Variants in BCCIP observed in about 807,000 individuals in gnomAD.
The protein encoded by BCCIP is BRCA2 and CDKN1A-interacting protein.
BCCIP carries 23 observed loss-of-function variants against 32.8 expected under a neutral mutation model. The observed-to-expected ratio is 0.70, with a 90% confidence interval of 0.51 to 0.99. The LOEUF is 0.99. Ranked by LOEUF, BCCIP falls within the 50% of genes least tolerant of loss-of-function variation. BCCIP has a pLI of 0.00. For missense variants in BCCIP, 378 were observed against 379.8 expected, an observed-to-expected ratio of 1.00 and a Z score of 0.04; for synonymous variants, 144 against 137.6, an observed-to-expected ratio of 1.05 and a Z score of -0.33.
In BCCIP at chr10:125,848,605, T is replaced by C. The variant is rs114019971; in HGVS notation, c.851-4520T>C. ...CCCAAGTCCAGTGCTGTTGCTGTTA[T>C]CTGCCATGGCTCTTCCTGGCTCCGG... On this transcript the variant is annotated intron_variant, in intron 7 of 7. Transcript: ENST00000368759. Among the ~76,000 whole-genome samples, 192 of 152,320 alleles carry C rather than the reference T, an allele frequency of 1.3e-3. 1 individual carries two copies. The highest frequency in any genetic ancestry group is 4.5e-3 in the African/African-American group (185 of 41,568).
chr10:125,852,413 T>C lies in BCCIP; in HGVS notation c.851-712T>C, dbSNP rs780909472. Reference sequence around the variant, plus strand: ...GCTGGCTTCAGTGGCGTCATGTCTTTGGAGGCAAATTCTTCAGTGTACAGG... The same window carrying C: ...GCTGGCTTCAGTGGCGTCATGTCTTCGGAGGCAAATTCTTCAGTGTACAGG... On this transcript the variant is annotated intron_variant, in intron 7 of 7. Coordinates refer to the BCCIP transcript ENST00000368759. 2 of 1,614,236 alleles carry C rather than the reference T, an allele frequency of 1.2e-6. No individual in the cohort carries two copies. Among genetic ancestry groups the C allele is most frequent in the East Asian group, 4.5e-5 (2 of 44,894 alleles).
chr10:125,837,151 C>G (rs1256996206), downstream of BCCIP, among the ~76,000 whole-genome samples: 1 of 152,210 alleles, frequency 6.6e-6, no homozygotes, highest in African/African-American at 2.4e-5. Context: ...AGGCCCATCA[C>G]CATATAAGAG....
chr10:125,829,872 G>A (rs1854483399), intron 3 of BCCIP, among the ~76,000 whole-genome samples: 1 of 152,234 alleles, frequency 6.6e-6, no homozygotes, highest in Admixed American at 6.5e-5. Context: ...TAGCTCTGCA[G>A]TTGTAACTGT....
chr10:125,825,615 A>G (rs1854372234), intron 1 of BCCIP: 2 of 152,208 alleles, frequency 1.3e-5, no homozygotes, highest in Admixed American at 1.3e-4. Flanking sequence ...AGACTTAAAT[A>G]TATACATAGT....
chr10:125,824,856 T>C (rs1033798004), intron 1 of BCCIP, among the ~76,000 whole-genome samples: 3 of 152,222 alleles, frequency 2.0e-5, no homozygotes, highest in African/African-American at 7.2e-5. Flanking sequence ...GCAGCCTAGA[T>C]GGCTGGATCA....
chr10:125,829,086 C>T lies in BCCIP; in HGVS notation c.321+1448C>T, dbSNP rs571241943. On this transcript the variant is annotated intron_variant, in intron 3 of 6. Coordinates refer to ENST00000278100, the MANE Select transcript of BCCIP (RefSeq NM_078468.3). ...CTATCTAGGGGGAGGGCACATTGATCCCACCACTCCATGAGAAAAGTACCT... is the reference window on the plus strand; with the variant it reads ...CTATCTAGGGGGAGGGCACATTGATTCCACCACTCCATGAGAAAAGTACCT... 1.2e-4 allele frequency among the ~76,000 whole-genome samples: 19 copies of T among 152,246 alleles called. No individual in the cohort carries two copies. The South Asian group carries it at 3.9e-3, about 32-fold the overall frequency.
downstream of BCCIP, among the ~76,000 whole-genome samples, chr10:125,844,782 A>G (rs1199316217): frequency 6.6e-6 from 1 of 152,192 alleles, no homozygotes; most frequent in African/African-American, 2.4e-5. Context: ...TGGCAGTGCA[A>G]AATCAGACTG....
chr10:125,824,095 C>T (rs1248365692), intron 1 of BCCIP, among the ~76,000 whole-genome samples: 1 of 152,226 alleles, frequency 6.6e-6, no homozygotes, highest in Non-Finnish European at 1.5e-5. Context: ...CTTCACTCTG[C>T]GGGCGGCACT....
downstream of BCCIP, among the ~76,000 whole-genome samples, chr10:125,840,415 GTATC>G (rs1388776183): frequency 4.6e-5 from 7 of 152,246 alleles, no homozygotes; most frequent in Non-Finnish European, 5.9e-5. Context: ...TTCTGCACTA[GTATC>G]TGGAGCTCTG....
At chr10:125,838,258 T>C, downstream of BCCIP, 1 of 1,613,394 alleles carries the variant, frequency 6.2e-7, no homozygotes, top group Non-Finnish European at 8.5e-7. Context: ...TCAGAAATGC[T>C]GAATTTATGG....
In BCCIP at chr10:125,829,102, A is replaced by G. The variant is rs551263263; in HGVS notation, c.322-1460A>G. Among the ~76,000 whole-genome samples, 4 of 152,324 alleles carry G rather than the reference A, an allele frequency of 2.6e-5. No individual in the cohort carries two copies. In the South Asian group the frequency reaches 6.2e-4, roughly 24 times the overall value. ...CACATTGATCCCACCACTCCATGAG[A>G]AAAGTACCTAGGTCACTTTGTCAGA... On this transcript the variant is annotated intron_variant, in intron 3 of 6. Transcript: ENST00000278100.
chr10:125,829,724 C>G (rs942676013), intron 3 of BCCIP, among the ~76,000 whole-genome samples: 1 of 152,248 alleles, frequency 6.6e-6, no homozygotes, highest in Admixed American at 6.5e-5. Context: ...CCTGCCCTTT[C>G]ATCAAATAAA....
chr10:125,836,725 T>G (rs1255902924), downstream of BCCIP: 1 of 1,614,216 alleles, frequency 6.2e-7, no homozygotes, highest in South Asian at 1.1e-5. Flanking sequence ...TCAGGGCACG[T>G]CTCACACATT....
downstream of BCCIP, among the ~76,000 whole-genome samples, chr10:125,839,390 A>ACGGTGCCACCGACAGCAC (rs1854805031): frequency 6.6e-6 from 1 of 152,176 alleles, no homozygotes; most frequent in African/African-American, 2.4e-5. Context: ...AGGAAGGGAG[A>ACGGTGCCACCGACAGCAC]CGGTGCCACC....
At chr10:125,846,168 G>C (rs528950218), downstream of BCCIP, among the ~76,000 whole-genome samples, 1 of 152,210 alleles carries the variant, frequency 6.6e-6, no homozygotes, top group African/African-American at 2.4e-5. Context: ...AATTACCAAC[G>C]GTCTCCACTC....
chr10:125,823,580 G>T lies in BCCIP; in HGVS notation c.23G>T (p.Arg8Leu). MASRSKR[R>L]AVESGVPQPP... ...AACATGGCGTCCAGGTCTAAGCGGCGTGCCGTGGAAAGTGGGGTTCCGCAG... is the reference window on the plus strand; with the variant it reads ...AACATGGCGTCCAGGTCTAAGCGGCTTGCCGTGGAAAGTGGGGTTCCGCAG... The change falls in exon 1 of 7, where the codon CGT (arginine) becomes CTT (leucine). Residue 8 changes from arginine (R) to leucine (L), a missense_variant. Transcript: ENST00000278100. 1 of 1,613,998 alleles carries T rather than the reference G, an allele frequency of 6.2e-7. No homozygotes were observed.
At chr10:125,852,293 C>T in intron 7 of BCCIP, 2 of 1,613,798 alleles carry the variant, frequency 1.2e-6, no homozygotes, top group Non-Finnish European at 1.7e-6. Context: ...ATAAGGCTAC[C>T]TGGTCTGTTC....
chr10:125,831,379 A>G (rs1564818439), intron 4 of BCCIP, 41 bp from the exon 5 acceptor site: 1 of 1,588,246 alleles, frequency 6.3e-7, no homozygotes, highest in Non-Finnish European at 8.6e-7. Context: ...CCTCTATGTG[A>G]TGGCTTGTAA....
downstream of BCCIP, among the ~76,000 whole-genome samples, chr10:125,846,447 A>T (rs1944021737): frequency 6.6e-6 from 1 of 152,316 alleles, no homozygotes; most frequent in Non-Finnish European, 1.5e-5. Context: ...TGATTTCCTC[A>T]TAAGGGTGAG....
Sources: gnomAD v4.1 joint callset for allele counts (sites outside exome capture counted in the v4.1 genomes callset) on GRCh38, gnomAD v4.1.1 for gene constraint, MANE v1.5 for transcripts, NCBI Gene and HGNC (gene_info 2026-07-23, HGNC 2026-07-21) for gene names.